Variants in LUZP2 observed in about 807,000 individuals in gnomAD.
The protein encoded by LUZP2 is leucine zipper protein 2.
LUZP2 carries 52 observed loss-of-function variants against 51.6 expected under a neutral mutation model. The ratio of observed to expected loss-of-function variants is 1.01; its 90% CI spans 0.81 to 1.27. LUZP2 has a LOEUF of 1.27. Among genes scored for constraint, LUZP2 ranks in the 50% most tolerant of loss-of-function variants. The pLI, the probability that LUZP2 is intolerant of heterozygous loss-of-function variation, is 0.00. For missense variants in LUZP2, 436 were observed against 395.4 expected (o/e 1.10, Z -0.87); for synonymous variants, 154 against 137.3 (o/e 1.12, Z -0.85).
At chr11:24,703,188 T>A (rs1857467605) in intron 1 of LUZP2, among the ~76,000 whole-genome samples, 1 of 152,200 alleles carries the variant, frequency 6.6e-6, no homozygotes, top group African/African-American at 2.4e-5. Context: ...TTTATCACAT[T>A]CCTAGGAAGA....
rs552062218 is a variant in LUZP2 at position 24,774,946 on chromosome 11, A to T, written c.396+11638A>T. Among the ~76,000 whole-genome samples, 40 of 150,574 alleles carry T rather than the reference A, an allele frequency of 2.7e-4. No individual in the cohort carries two copies. The South Asian group carries it at 6.7e-3, about 25-fold the overall frequency. On this transcript the variant is annotated intron_variant, in intron 5 of 11. Coordinates refer to ENST00000336930, the MANE Select transcript of LUZP2 (RefSeq NM_001009909.4). ...CTCTAGAACTTCTTTTCCCAGAGGG[A>T]TCCCTTGCCTGCTCATTTCTGGCTA...
At position 24,537,895 on chromosome 11, in the gene LUZP2, TA is replaced by T. The variant is rs1056077464; in HGVS notation, c.62+40598del. 3.3e-5 allele frequency among the ~76,000 whole-genome samples: 5 copies of T among 151,782 alleles called. No homozygotes were observed. In the East Asian group the frequency reaches 5.8e-4, roughly 18 times the overall value. The stretch of plus-strand genomic sequence containing the variant: ...GCTATATTTTACTGTCTTGCTTTCA[TA>T]AAAAAAATAAATAGGCTAAGCTTTG... On this transcript the variant is annotated intron_variant, in intron 1 of 11. Coordinates refer to ENST00000336930, the MANE Select transcript of LUZP2 (RefSeq NM_001009909.4).
chr11:24,993,626 G>A (rs1856414612), intron 9 of LUZP2, among the ~76,000 whole-genome samples: 1 of 151,980 alleles, frequency 6.6e-6, no homozygotes, highest in Admixed American at 6.6e-5. Flanking sequence ...GCCTTTTAAT[G>A]TTTATTGTCC....
At chr11:25,076,776 C>T (rs1415969395) in intron 10 of LUZP2, among the ~76,000 whole-genome samples, 2 of 140,472 alleles carry the variant, frequency 1.4e-5, no homozygotes, top group Non-Finnish European at 1.5e-5. Flanking sequence ...CCATTGCTAA[C>T]ACTTCATCTT....
intron 9 of LUZP2, among the ~76,000 whole-genome samples, chr11:25,039,786 TA>T (rs1402085071): frequency 6.6e-6 from 1 of 152,204 alleles, no homozygotes; most frequent in Non-Finnish European, 1.5e-5. Context: ...TTGTAATTTT[TA>T]AAATTTTTTA....
intron 10 of LUZP2, among the ~76,000 whole-genome samples, chr11:25,062,056 C>G (rs1186474577): frequency 7.0e-6 from 1 of 143,570 alleles, no homozygotes; most frequent in Non-Finnish European, 1.6e-5. Context: ...TCATACCCCT[C>G]AAGAAAAGGG....
At chr11:24,677,295 T>C (rs1856591066) in intron 1 of LUZP2, among the ~76,000 whole-genome samples, 1 of 152,166 alleles carries the variant, frequency 6.6e-6, no homozygotes, top group Non-Finnish European at 1.5e-5. Flanking sequence ...TTTTTGCCCT[T>C]ATAATAAAAG....
chr11:24,671,561 T>TACACAC lies in LUZP2; in HGVS notation c.63-57583_63-57578dup, dbSNP rs61319296. Among the ~76,000 whole-genome samples, 588 of 148,128 alleles carry TACACAC rather than the reference T, an allele frequency of 4.0e-3. 2 individuals are homozygous for TACACAC. Among genetic ancestry groups the TACACAC allele is most frequent in the African/African-American group, 0.013 (525 of 40,552 alleles). On this transcript the variant is annotated intron_variant, in intron 1 of 11. Coordinates refer to ENST00000336930, the MANE Select transcript of LUZP2 (RefSeq NM_001009909.4). ...CACCTAATTATTTTTCTCTCTGTCT[T>TACACAC]ACACACACACACACACACACACACA...
chr11:24,840,560 A>G (rs949059539), intron 5 of LUZP2, among the ~76,000 whole-genome samples: 5 of 151,908 alleles, frequency 3.3e-5, no homozygotes, highest in Admixed American at 1.3e-4. Flanking sequence ...CTTGTAAAAT[A>G]TATGTATACT....
chr11:24,583,754 A>T (rs1426303091), intron 1 of LUZP2, among the ~76,000 whole-genome samples: 1 of 147,984 alleles, frequency 6.8e-6, no homozygotes, highest in Admixed American at 6.8e-5. Flanking sequence ...CCCAGGCTGG[A>T]GCTCAGTGGG....
chr11:24,903,306 A>G (rs1853336315), intron 5 of LUZP2, among the ~76,000 whole-genome samples: 1 of 152,244 alleles, frequency 6.6e-6, no homozygotes, highest in Admixed American at 6.5e-5. Context: ...ACTTGAACAA[A>G]TCAGAATAAC....
Position 24,618,030 on chromosome 11 carries a change from C to T in LUZP2, c.63-111139C>T, listed in dbSNP as rs139241668. 9.7e-4 allele frequency among the ~76,000 whole-genome samples: 147 copies of T among 152,152 alleles called. 1 individual carries two copies. Among genetic ancestry groups the T allele is most frequent in the African/African-American group, 3.4e-3 (141 of 41,500 alleles). ...CAGATAGTGGAAGAGGTACCAGTTTCCCAGCAGACCTCCACTGACACCCTG... is the reference window on the plus strand; with the variant it reads ...CAGATAGTGGAAGAGGTACCAGTTTTCCAGCAGACCTCCACTGACACCCTG... On this transcript the variant is annotated intron_variant, in intron 1 of 11. Coordinates refer to ENST00000336930, the MANE Select transcript of LUZP2 (RefSeq NM_001009909.4).
chr11:24,900,680 G>A (rs1191904592), intron 5 of LUZP2, among the ~76,000 whole-genome samples: 2 of 152,220 alleles, frequency 1.3e-5, no homozygotes, highest in Middle Eastern at 3.4e-3. Context: ...AAGAGAAGTC[G>A]ACTGTTAAAA....
At chr11:24,793,430 G>T (rs1184936721) in intron 5 of LUZP2, among the ~76,000 whole-genome samples, 1 of 152,134 alleles carries the variant, frequency 6.6e-6, no homozygotes. Context: ...AAACATCTGT[G>T]GATGTACTCT....
At chr11:24,774,915 C>T (rs140592354) in intron 5 of LUZP2, among the ~76,000 whole-genome samples, 1,751 of 149,146 alleles carry the variant, frequency 0.012, 22 homozygotes, top group Non-Finnish European at 0.018. Context: ...GTGACTAATA[C>T]GGCATCTCTA....
intron 7 of LUZP2, among the ~76,000 whole-genome samples, chr11:24,942,314 A>G (rs1324298608): frequency 6.6e-6 from 1 of 152,152 alleles, no homozygotes; most frequent in Non-Finnish European, 1.5e-5. Flanking sequence ...GTACCATTGC[A>G]TTTCCACCAC....
chr11:24,715,263 A>ATGTG (rs58368050), intron 1 of LUZP2, among the ~76,000 whole-genome samples: 7,732 of 133,620 alleles, frequency 0.058, 299 homozygotes, highest in Middle Eastern at 0.15. Context: ...AGGAGCAACT[A>ATGTG]TGTGTGTGTG....
chr11:24,792,341 C>T (rs923050867), intron 5 of LUZP2, among the ~76,000 whole-genome samples: 1 of 151,730 alleles, frequency 6.6e-6, no homozygotes, highest in Admixed American at 6.6e-5. Context: ...GCAGGGGAAT[C>T]TCTTGAACCT....
intron 1 of LUZP2, among the ~76,000 whole-genome samples, chr11:24,551,119 T>C (rs956794992): frequency 6.6e-6 from 1 of 152,020 alleles, no homozygotes; most frequent in African/African-American, 2.4e-5. Flanking sequence ...CCTAAGAAAA[T>C]AGTTTTTTAA....
Sources: gnomAD v4.1 joint callset for allele counts (sites outside exome capture counted in the v4.1 genomes callset) on GRCh38, gnomAD v4.1.1 for gene constraint, MANE v1.5 for transcripts, NCBI Gene and HGNC (gene_info 2026-07-23, HGNC 2026-07-21) for gene names.